Variants in TMEM259 observed in about 807,000 individuals in gnomAD.
TMEM259 encodes transmembrane protein 259.
TMEM259 carries 26 observed loss-of-function variants against 46.7 expected under a neutral mutation model. The ratio of observed to expected loss-of-function variants is 0.56; its 90% CI spans 0.41 to 0.77. TMEM259 has a LOEUF of 0.77. TMEM259 is among the 30% of genes least tolerant of loss of function. The probability of loss-of-function intolerance (pLI) is 0.00; values close to 1 mark genes in which losing one functional copy is unlikely to be tolerated. For synonymous variants in TMEM259, 494 were observed against 395.1 expected (o/e 1.25, Z -2.97); for missense variants, 930 against 900.5 (o/e 1.03, Z -0.42).
At chr19:1,015,579 C>T (rs1026583253) in intron 1 of TMEM259, among the ~76,000 whole-genome samples, 2 of 152,182 alleles carry the variant, frequency 1.3e-5, no homozygotes, top group Admixed American at 6.5e-5. Context: ...GTGAGGGTCA[C>T]GTCTACCTGC....
chr19:1,013,649 G>T (rs2039012223), intron 2 of TMEM259: 1 of 328,466 alleles, frequency 3.0e-6, no homozygotes, highest in African/African-American at 2.1e-5. Flanking sequence ...AACTCTTGGG[G>T]TTGGCTCTGT....
At position 1,011,596 on chromosome 19, in the gene TMEM259, G is replaced by A. The variant is rs773908255; in HGVS notation, c.1068C>T (p.Val356=). The A allele has an allele frequency of 1.3e-6, 2 of 1,544,764 alleles. No individual in the cohort carries two copies. The highest frequency in any genetic ancestry group is 1.7e-6 in the Non-Finnish European group (2 of 1,145,394). ...IAFPAAPLLT[V]ILALVGMEAI... is the part of the protein sequence containing the mutation. Reference sequence around the variant, plus strand: ...GGTCCTCACCGACGAGGGCCAGGATGACGGTCAGCAGGGGCGCTGCGGGGA... The same window carrying A: ...GGTCCTCACCGACGAGGGCCAGGATAACGGTCAGCAGGGGCGCTGCGGGGA... Residue 356 remains valine (V), a synonymous_variant, in exon 8 of 11, where the codon GTC becomes GTT. Coordinates refer to ENST00000356663, the MANE Select transcript of TMEM259 (RefSeq NM_001033026.2).
Position 1,009,903 on chromosome 19 carries a change from G to C in TMEM259, c.*447C>G. 5.6e-6 allele frequency: 2 copies of C among 356,346 alleles called. No individual in the cohort carries two copies. The highest frequency in any genetic ancestry group is 5.1e-6 in the Non-Finnish European group (1 of 197,346). The allele number at this position is 356,346 out of a possible 1,614,324, so 22.1% of individuals were successfully genotyped here. On this transcript the variant is annotated 3_prime_UTR_variant, in exon 11 of 11. Coordinates refer to ENST00000356663, the MANE Select transcript of TMEM259 (RefSeq NM_001033026.2). ...ACCCCAAGCCTGGCGCACACGCGGG[G>C]AGGGCGGGGCCATGGAGAAGGCACT...
At position 1,021,068 on chromosome 19, in the gene TMEM259, G is replaced by A. The variant is rs369005820; in HGVS notation, c.-72C>T. On this transcript the variant is annotated 5_prime_UTR_variant, in exon 1 of 11. Coordinates refer to ENST00000356663, the MANE Select transcript of TMEM259 (RefSeq NM_001033026.2). ...CTCCCGGCCGCCATCGGCCGCCCTC[G>A]CAGCCGCCGCTCTCCTCACGGCCTC... 1.9e-5 allele frequency: 24 copies of A among 1,267,092 alleles called. No homozygotes were observed. The highest frequency in any genetic ancestry group is 1.7e-4 in the Admixed American group (4 of 24,196). The allele number at this position is 1,267,092 out of a possible 1,614,324, so 78.5% of individuals were successfully genotyped here. A position where few individuals can be genotyped will look rare whatever the true frequency, so the allele number is the denominator to read the frequency against.
Position 1,009,950 on chromosome 19 carries a change from C to G in TMEM259, c.*400G>C, listed in dbSNP as rs1431181933. Reference sequence around the variant, plus strand: ...CACTGCAGGGAGCACCAGGCAGAGCCGGGCTGAGGCCGGCCGGCACTAGGG... The same window carrying G: ...CACTGCAGGGAGCACCAGGCAGAGCGGGGCTGAGGCCGGCCGGCACTAGGG... On this transcript the variant is annotated 3_prime_UTR_variant, in exon 11 of 11. Coordinates refer to ENST00000356663, the MANE Select transcript of TMEM259 (RefSeq NM_001033026.2). 1 of 319,058 alleles carries G rather than the reference C, an allele frequency of 3.1e-6. No individual in the cohort carries two copies. Among genetic ancestry groups the G allele is most frequent in the East Asian group, 5.5e-5 (1 of 18,100 alleles). 19.8% of individuals were successfully genotyped at this position (319,058 alleles called of 1,614,324 possible).
chr19:1,015,801 A>G (rs1348036437), intron 1 of TMEM259, among the ~76,000 whole-genome samples: 1 of 152,190 alleles, frequency 6.6e-6, no homozygotes, highest in East Asian at 1.9e-4. Context: ...GCCATAGGCA[A>G]GACCACCAGG....
rs754010810 is a variant in TMEM259, at chr19:1,011,933, G to A, written c.901C>T (p.Arg301Trp). Residue 301 changes from arginine (R) to tryptophan (W), a missense_variant, in exon 6 of 11, where the codon CGG becomes TGG. Coordinates refer to ENST00000356663, the MANE Select transcript of TMEM259 (RefSeq NM_001033026.2). Reference protein sequence around the residue: ...HYRFVSMWMARTSYLAAFAIM... With the variant: ...HYRFVSMWMAWTSYLAAFAIM... ...GCGAAGGCGGCCAGGTAGGACGTCC[G>A]CGCCATCCACATGCTCACAAAGCGG... 1.4e-5 allele frequency: 23 copies of A among 1,611,692 alleles called. No homozygotes were observed. The highest frequency in any genetic ancestry group is 4.5e-5 in the East Asian group (2 of 44,856).
Position 1,010,304 on chromosome 19 carries a change from G to A in TMEM259, c.*46C>T, listed in dbSNP as rs1247029211. On this transcript the variant is annotated 3_prime_UTR_variant, in exon 11 of 11. Coordinates refer to ENST00000356663, the MANE Select transcript of TMEM259 (RefSeq NM_001033026.2). Reference sequence around the variant, plus strand: ...TCCCCCACCCCCACGGGCTCGGGAAGGTCAGGCCCAGCCAGCAGGGGTCAG... The same window carrying A: ...TCCCCCACCCCCACGGGCTCGGGAAAGTCAGGCCCAGCCAGCAGGGGTCAG... The A allele has an allele frequency of 4.2e-6, 6 of 1,416,544 alleles. No individual in the cohort carries two copies. Among genetic ancestry groups the A allele is most frequent in the Non-Finnish European group, 4.6e-6 (5 of 1,091,876 alleles). 87.7% of individuals were successfully genotyped at this position (1,416,544 alleles called of 1,614,324 possible).
At position 1,010,024 on chromosome 19, in the gene TMEM259, T is replaced by C; in HGVS notation, c.*326A>G. On this transcript the variant is annotated 3_prime_UTR_variant, in exon 11 of 11. Coordinates refer to ENST00000356663, the MANE Select transcript of TMEM259 (RefSeq NM_001033026.2). ...CCTCTCCTCCACACCTCCGCCTTGCTCAGAGACCTGCACCATGGGACCCCA... is the reference window on the plus strand; with the variant it reads ...CCTCTCCTCCACACCTCCGCCTTGCCCAGAGACCTGCACCATGGGACCCCA... The C allele has an allele frequency of 5.5e-6, 2 of 364,200 alleles. No individual in the cohort carries two copies. The highest frequency in any genetic ancestry group is 9.9e-6 in the Non-Finnish European group (2 of 202,766). The allele number at this position is 364,200 out of a possible 1,614,324, so 22.6% of individuals were successfully genotyped here. A position where few individuals can be genotyped will look rare whatever the true frequency, so the allele number is the denominator to read the frequency against.
At chr19:1,011,030 G>A (rs557482759) in intron 10 of TMEM259, 66 bp downstream of exon 10, 302 of 1,549,850 alleles carry the variant, frequency 1.9e-4, no homozygotes, top group Non-Finnish European at 2.3e-4. Context: ...CATCCTCCCC[G>A]GCTGCAGCCT....
At position 1,009,930 on chromosome 19, in the gene TMEM259, C is replaced by T. The variant is rs2038842064; in HGVS notation, c.*420G>A. 9.1e-6 allele frequency: 3 copies of T among 330,994 alleles called. No homozygotes were observed. The East Asian group carries it at 1.6e-4, about 17-fold the overall frequency. The allele number at this position is 330,994 out of a possible 1,614,324, so 20.5% of individuals were successfully genotyped here. A position where few individuals can be genotyped will look rare whatever the true frequency, so the allele number is the denominator to read the frequency against. On this transcript the variant is annotated 3_prime_UTR_variant, in exon 11 of 11. Coordinates refer to ENST00000356663, the MANE Select transcript of TMEM259 (RefSeq NM_001033026.2). ...GGGCGGGGCCATGGAGAAGGCACTG[C>T]AGGGAGCACCAGGCAGAGCCGGGCT... is the stretch of plus-strand genomic sequence containing the variant.
intron 9 of TMEM259, 38 bp downstream of exon 9, chr19:1,011,329 C>T (rs1398342202): frequency 3.2e-6 from 5 of 1,553,816 alleles, no homozygotes; most frequent in Non-Finnish European, 4.3e-6. Context: ...CCCCTGCCCA[C>T]CAGCACCCAC....
chr19:1,016,081 G>C (rs928955054), intron 1 of TMEM259, among the ~76,000 whole-genome samples: 1 of 147,794 alleles, frequency 6.8e-6, no homozygotes, highest in Non-Finnish European at 1.5e-5. Flanking sequence ...ACAGCCAAAA[G>C]AGCCGCAGGG....
At chr19:1,011,520 G>A (rs774412174) in intron 8 of TMEM259, 21 bp from the exon 9 acceptor site, 32 of 1,542,834 alleles carry the variant, frequency 2.1e-5, no homozygotes, top group African/African-American at 4.1e-5. Context: ...AGGCGGCGCC[G>A]GTTGAAGCGG....
intron 1 of TMEM259, among the ~76,000 whole-genome samples, chr19:1,019,406 T>C (rs2039214536): frequency 6.6e-6 from 1 of 152,208 alleles, no homozygotes; most frequent in East Asian, 1.9e-4. Flanking sequence ...GCCCCGTCTG[T>C]GGACCCCAGA....
chr19:1,013,497 A>G, intron 2 of TMEM259, 157 bp from the exon 3 acceptor site: 1 of 645,364 alleles, frequency 1.5e-6, no homozygotes, highest in Non-Finnish European at 2.7e-6. Flanking sequence ...CTCCCGCCTC[A>G]GCTGGGACCC....
At position 1,021,061 on chromosome 19, in the gene TMEM259, C is replaced by T; in HGVS notation, c.-65G>A. 2 of 1,280,102 alleles carry T rather than the reference C, an allele frequency of 1.6e-6. No individual in the cohort carries two copies. Among genetic ancestry groups the T allele is most frequent in the Non-Finnish European group, 2.0e-6 (2 of 1,007,500 alleles). The allele number at this position is 1,280,102 out of a possible 1,614,324, so 79.3% of individuals were successfully genotyped here. A position where few individuals can be genotyped will look rare whatever the true frequency, so the allele number is the denominator to read the frequency against. Reference sequence around the variant, plus strand: ...AGGGCGCCTCCCGGCCGCCATCGGCCGCCCTCGCAGCCGCCGCTCTCCTCA... The same window carrying T: ...AGGGCGCCTCCCGGCCGCCATCGGCTGCCCTCGCAGCCGCCGCTCTCCTCA... On this transcript the variant is annotated 5_prime_UTR_variant, in exon 1 of 11. Coordinates refer to ENST00000356663, the MANE Select transcript of TMEM259 (RefSeq NM_001033026.2).
intron 4 of TMEM259, 34 bp from the exon 5 acceptor site, chr19:1,012,222 C>A (rs750987357): frequency 2.3e-5 from 36 of 1,575,288 alleles, no homozygotes; most frequent in Non-Finnish European, 3.1e-5. Context: ...CCGGGAGCCC[C>A]GCCCAGGCCA....
intron 1 of TMEM259, chr19:1,017,308 CCCT>C: frequency 2.5e-6 from 1 of 399,726 alleles, no homozygotes; most frequent in Non-Finnish European, 4.4e-6. Context: ...CCCCTGGCCA[CCCT>C]CTGCCCGCAA....
Sources: allele counts gnomAD v4.1 joint callset (sites outside exome capture counted in the v4.1 genomes callset), GRCh38; gene constraint gnomAD v4.1.1; transcripts MANE v1.5; gene names NCBI Gene and HGNC (gene_info 2026-07-23, HGNC 2026-07-21).